LYPD6: variants seen among roughly 807,000 people sequenced by gnomAD.
LYPD6 encodes LY6/PLAUR domain containing 6.
Under a neutral mutation model 22.7 loss-of-function variants are expected in LYPD6, and 15 were observed. The observed-to-expected ratio is 0.66, with a 90% CI of 0.44 to 1.02. The LOEUF (loss-of-function observed/expected upper bound fraction) is 1.02, where lower values mean the gene tolerates loss of function less well. Ranked by LOEUF, LYPD6 falls within the 50% of genes least tolerant of loss-of-function variation. The probability of loss-of-function intolerance (pLI) is 0.00; values close to 1 mark genes in which losing one functional copy is unlikely to be tolerated. For synonymous variants in LYPD6, 72 were observed against 77.5 expected (o/e 0.93, Z 0.37); for missense variants, 189 against 208.4 (o/e 0.91, Z 0.57).
chr2:149,424,547 T>C (rs1036321175), intron 1 of LYPD6, among the ~76,000 whole-genome samples: 1 of 152,224 alleles, frequency 6.6e-6, no homozygotes, highest in Non-Finnish European at 1.5e-5. Flanking sequence ...AAATAAGGCC[T>C]GTAGCCACCT....
chr2:149,417,253 T>G (rs987879283), intron 1 of LYPD6, among the ~76,000 whole-genome samples: 2 of 152,232 alleles, frequency 1.3e-5, no homozygotes, highest in Admixed American at 6.5e-5. Context: ...CCAAGGCCTA[T>G]TTTATGATTC....
chr2:149,425,589 C>T (rs961021951), intron 1 of LYPD6, among the ~76,000 whole-genome samples: 2 of 152,154 alleles, frequency 1.3e-5, no homozygotes, highest in Admixed American at 6.5e-5. Flanking sequence ...TTATTAATAA[C>T]CCCTGTATCC....
chr2:149,443,589 G>A (rs906673328), intron 2 of LYPD6, among the ~76,000 whole-genome samples: 2 of 151,962 alleles, frequency 1.3e-5, no homozygotes, highest in Admixed American at 6.6e-5. Flanking sequence ...TATATATTAA[G>A]TATTTTAAAC....
At chr2:149,429,750 T>C (rs1185938992) in intron 1 of LYPD6, among the ~76,000 whole-genome samples, 1 of 152,336 alleles carries the variant, frequency 6.6e-6, no homozygotes, top group Non-Finnish European at 1.5e-5. Flanking sequence ...AAGGTAACTG[T>C]GGCTATGGAA....
At chr2:149,431,741 A>C (rs1683317443) in intron 1 of LYPD6, among the ~76,000 whole-genome samples, 1 of 152,292 alleles carries the variant, frequency 6.6e-6, no homozygotes, top group South Asian at 2.1e-4. Context: ...AAGGGAACAA[A>C]ATCTGTTTAT....
chr2:149,407,280 G>T (rs1682737336), intron 1 of LYPD6, among the ~76,000 whole-genome samples: 1 of 152,174 alleles, frequency 6.6e-6, no homozygotes, highest in Non-Finnish European at 1.5e-5. Context: ...ATTTTGGCCT[G>T]CCTTGCCAGA....
intron 1 of LYPD6, among the ~76,000 whole-genome samples, chr2:149,344,155 TCTC>T (rs1340377572): frequency 1.3e-5 from 2 of 152,162 alleles, no homozygotes; most frequent in East Asian, 1.9e-4. Flanking sequence ...TTAGTTTGTC[TCTC>T]CTCCTATTTC....
intron 1 of LYPD6, among the ~76,000 whole-genome samples, chr2:149,356,878 A>G (rs1222570908): frequency 1.3e-5 from 2 of 152,258 alleles, no homozygotes. Flanking sequence ...AGTTGTAGAT[A>G]AAGCAATTTT....
intron 3 of LYPD6, 114 bp from the exon 4 acceptor site, chr2:149,468,531 T>A (rs1681257291): frequency 4.9e-6 from 6 of 1,219,590 alleles, no homozygotes; most frequent in Non-Finnish European, 6.9e-6. Flanking sequence ...GCAGTGCACA[T>A]CTTATGTGCT....
the LYPD6 span, among the ~76,000 whole-genome samples, chr2:149,482,639 G>C: frequency 6.6e-6 from 1 of 152,146 alleles, no homozygotes. Flanking sequence ...ATGTTAGCTA[G>C]GGTCAGTTTC....
intron 3 of LYPD6, among the ~76,000 whole-genome samples, chr2:149,450,250 C>T (rs1182017207): frequency 6.6e-6 from 1 of 152,178 alleles, no homozygotes; most frequent in African/African-American, 2.4e-5. Flanking sequence ...CTGCTCCCAC[C>T]CACTTCTTCA....
At chr2:149,482,433 A>T in the LYPD6 span, among the ~76,000 whole-genome samples, 1 of 152,212 alleles carries the variant, frequency 6.6e-6, no homozygotes, top group Non-Finnish European at 1.5e-5. Flanking sequence ...TTGACGAAGA[A>T]GGTAGTTATT....
intron 1 of LYPD6, among the ~76,000 whole-genome samples, chr2:149,374,429 A>C (rs1398469193): frequency 2.6e-5 from 4 of 152,190 alleles, no homozygotes; most frequent in African/African-American, 9.7e-5. Flanking sequence ...AGTGACATCT[A>C]GCCCTGGATC....
At chr2:149,448,660 A>G (rs973144375) in intron 2 of LYPD6, among the ~76,000 whole-genome samples, 17 of 152,198 alleles carry the variant, frequency 1.1e-4, no homozygotes, top group African/African-American at 4.1e-4. Flanking sequence ...ATTCACTCCA[A>G]ATAATTTCCT....
At chr2:149,367,666 G>A (rs773385629) in intron 1 of LYPD6, 15 of 152,132 alleles carry the variant, frequency 9.9e-5, no homozygotes, top group African/African-American at 1.4e-4. Context: ...CATAGCTAGC[G>A]CTTTGTGCTG....
At chr2:149,457,686 A>G (rs1271464098) in intron 3 of LYPD6, among the ~76,000 whole-genome samples, 3 of 152,224 alleles carry the variant, frequency 2.0e-5, no homozygotes, top group African/African-American at 7.2e-5. Flanking sequence ...TATCTAGCCC[A>G]AAATGTCAGA....
rs985694678 is a variant in LYPD6, at chr2:149,462,103, T to A, written c.218-6542T>A. Among the ~76,000 whole-genome samples the A allele has an allele frequency of 2.0e-5, 3 of 150,644 alleles. No homozygotes were observed. In the East Asian group the frequency reaches 5.9e-4, roughly 30 times the overall value. On this transcript the variant is annotated intron_variant, in intron 3 of 4. Coordinates refer to ENST00000334166, the MANE Select transcript of LYPD6 (RefSeq NM_194317.5). ...TACAGATTGGAAAGGAAAATATGAC[T>A]GTCCTTTTTCACAGACAACATGATT...
At chr2:149,359,017 C>T (rs372700271) in intron 1 of LYPD6, among the ~76,000 whole-genome samples, 4 of 152,090 alleles carry the variant, frequency 2.6e-5, no homozygotes, top group Admixed American at 6.6e-5. Flanking sequence ...AATATACTTA[C>T]GTCCTCCATC....
At chr2:149,338,592 T>A (rs1681102236) in intron 1 of LYPD6, among the ~76,000 whole-genome samples, 1 of 152,162 alleles carries the variant, frequency 6.6e-6, no homozygotes, top group Non-Finnish European at 1.5e-5. Flanking sequence ...CAAGGTGCCA[T>A]CCATGAGGCA....
Sources: allele counts gnomAD v4.1 joint callset (sites outside exome capture counted in the v4.1 genomes callset), GRCh38; gene constraint gnomAD v4.1.1; transcripts MANE v1.5; gene names NCBI Gene and HGNC (gene_info 2026-07-23, HGNC 2026-07-21).